The following FRMPD4 variants were observed in gnomAD, a reference collection of about 807,000 sequenced individuals.
The protein encoded by FRMPD4 is FERM and PDZ domain containing 4, also known as FERM and PDZ domain-containing protein 4.
A neutral mutation model predicts 94.1 loss-of-function variants in FRMPD4; 22 were observed. That is an observed-to-expected ratio of 0.23 (90% CI 0.17 to 0.33). FRMPD4 has a LOEUF of 0.33. Among genes scored for constraint, FRMPD4 ranks in the 10% least tolerant of loss-of-function variants. The pLI, the probability that FRMPD4 is intolerant of heterozygous loss-of-function variation, is 1.00. For missense variants in FRMPD4, 1,111 were observed against 1,339.9 expected (o/e 0.83, Z 2.67); for synonymous variants, 631 against 548.6 (o/e 1.15, Z -2.10).
At chrX:12,649,898 A>C (rs1324231358) in intron 4 of FRMPD4, among the ~76,000 whole-genome samples, 1 of 112,300 alleles carries the variant, frequency 8.9e-6, no homozygotes. Flanking sequence ...TACCCAAGCA[A>C]CCTGTTTATC....
intron 1 of FRMPD4, among the ~76,000 whole-genome samples, chrX:12,496,453 G>A (rs2057850462): frequency 9.0e-6 from 1 of 111,496 alleles, no homozygotes; most frequent in Non-Finnish European, 1.9e-5. Context: ...GCTGCCAGGT[G>A]CTTCTTTTCA....
At chrX:12,350,279 T>C (rs2055781831) in intron 1 of FRMPD4, among the ~76,000 whole-genome samples, 1 of 112,259 alleles carries the variant, frequency 8.9e-6, no homozygotes, top group African/African-American at 3.2e-5. Flanking sequence ...TTTTTCAAGT[T>C]ATTTTTTATA....
At chrX:12,392,960 T>C (rs1372889101) in intron 1 of FRMPD4, among the ~76,000 whole-genome samples, 1 of 111,704 alleles carries the variant, frequency 9.0e-6, no homozygotes, top group Non-Finnish European at 1.9e-5. Flanking sequence ...AGAGCAAAAC[T>C]CCGTCTCAAG....
At chrX:12,045,083 C>T (rs1333667789) in intron 3 of FRMPD4, among the ~76,000 whole-genome samples, 1 of 112,014 alleles carries the variant, frequency 8.9e-6, no homozygotes, top group Non-Finnish European at 1.9e-5. Context: ...TATTTATTGA[C>T]ATTTGGAAAT....
At chrX:12,530,541 A>G (rs1335763837) in intron 2 of FRMPD4, among the ~76,000 whole-genome samples, 1 of 111,264 alleles carries the variant, frequency 9.0e-6, no homozygotes, top group African/African-American at 3.3e-5. Flanking sequence ...TAATATTTCA[A>G]GGAGAATTGA....
intron 3 of FRMPD4, among the ~76,000 whole-genome samples, chrX:12,025,911 G>T (rs1437493737): frequency 1.8e-5 from 2 of 111,846 alleles, no homozygotes. Context: ...CCACACTGGG[G>T]CACCTGACCC....
chrX:12,044,652 C>A (rs2054775632), intron 3 of FRMPD4, among the ~76,000 whole-genome samples: 1 of 111,882 alleles, frequency 8.9e-6, no homozygotes, highest in African/African-American at 3.2e-5. Context: ...AGACACTAAT[C>A]AAGTCACTTA....
At chrX:12,378,790 A>G (rs1272219534) in intron 1 of FRMPD4, among the ~76,000 whole-genome samples, 1 of 112,115 alleles carries the variant, frequency 8.9e-6, no homozygotes, top group East Asian at 2.8e-4. Flanking sequence ...ACATGATGAT[A>G]TATTTTCTTG....
At chrX:12,241,671 A>G (rs750912739) in intron 1 of FRMPD4, among the ~76,000 whole-genome samples, 2 of 111,642 alleles carry the variant, frequency 1.8e-5, no homozygotes, top group African/African-American at 3.2e-5. Context: ...AGGCCGAGGT[A>G]GGATGATCAC....
chrX:12,329,734 A>C (rs1406069476), intron 1 of FRMPD4, among the ~76,000 whole-genome samples: 1 of 109,053 alleles, frequency 9.2e-6, no homozygotes, highest in Non-Finnish European at 1.9e-5. Context: ...AGTTCAGAGA[A>C]GCTTTCAATG....
chrX:12,389,256 C>A (rs1419029805), intron 1 of FRMPD4, among the ~76,000 whole-genome samples: 2 of 109,906 alleles, frequency 1.8e-5, no homozygotes, highest in Non-Finnish European at 3.8e-5. Flanking sequence ...GGCGGATCAC[C>A]TCAGGTCAGG....
At chrX:12,422,377 C>T (rs2056894779) in intron 1 of FRMPD4, among the ~76,000 whole-genome samples, 1 of 112,468 alleles carries the variant, frequency 8.9e-6, no homozygotes, top group African/African-American at 3.2e-5. Flanking sequence ...TTATTACATT[C>T]ACTTTATTCA....
At chrX:11,959,777 C>T (rs1222962779) in intron 3 of FRMPD4, among the ~76,000 whole-genome samples, 1 of 111,500 alleles carries the variant, frequency 9.0e-6, no homozygotes, top group Non-Finnish European at 1.9e-5. Context: ...CTGTCAGCTT[C>T]TCAGGTTTCT....
intron 3 of FRMPD4, among the ~76,000 whole-genome samples, chrX:11,982,313 C>CT (rs1166254330): frequency 1.0e-4 from 11 of 109,832 alleles, no homozygotes; most frequent in Non-Finnish European, 5.7e-5. Context: ...ACGATCTTTT[C>CT]TTTTTTTTCC....
intron 3 of FRMPD4, among the ~76,000 whole-genome samples, chrX:12,047,078 T>A (rs889262646): frequency 9.1e-6 from 1 of 109,399 alleles, no homozygotes; most frequent in African/African-American, 3.3e-5. Flanking sequence ...TATTTATACA[T>A]GGTTATATAT....
rs756939563 is a variant in FRMPD4, at chrX:12,193,771, A to AAAGGAAGG, written c.41+54809_41+54816dup. ...AAGAAACAGAAAGAAAGAAAGAAAG[A>AAAGGAAGG]AAGGAAGGAAGGAAGGAAGGAAGGA... is the stretch of plus-strand genomic sequence containing the variant. On this transcript the variant is annotated intron_variant, in intron 1 of 16. Coordinates refer to ENST00000675598, the MANE Select transcript of FRMPD4 (RefSeq NM_001368397.1). 9.8e-4 allele frequency among the ~76,000 whole-genome samples: 17 copies of AAAGGAAGG among 17,292 alleles called. 1 individual carries two copies. Among genetic ancestry groups the AAAGGAAGG allele is most frequent in the Admixed American group, 4.3e-3 (4 of 940 alleles). 15.0% of individuals were successfully genotyped at this position (17,292 alleles called of 115,157 possible). A position where few individuals can be genotyped will look rare whatever the true frequency, so the allele number is the denominator to read the frequency against.
intron 3 of FRMPD4, among the ~76,000 whole-genome samples, chrX:11,893,441 T>A (rs1226540943): frequency 1.8e-5 from 2 of 112,446 alleles, no homozygotes; most frequent in Non-Finnish European, 3.8e-5. Flanking sequence ...GGTTTTAAGT[T>A]AAGATTTCTT....
intron 1 of FRMPD4, among the ~76,000 whole-genome samples, chrX:12,345,187 T>A (rs1381735915): frequency 1.9e-5 from 2 of 107,927 alleles, no homozygotes; most frequent in African/African-American, 6.9e-5. Flanking sequence ...GATAGACGGA[T>A]GAATGAGTAG....
At chrX:12,674,970 A>T in intron 5 of FRMPD4, 62 bp downstream of exon 5, 1 of 714,302 alleles carries the variant, frequency 1.4e-6, no homozygotes, top group Non-Finnish European at 2.3e-6. Flanking sequence ...TCTTCTGCCC[A>T]CTCCAGTAAA....
Sources: allele counts gnomAD v4.1 joint callset (sites outside exome capture counted in the v4.1 genomes callset), GRCh38; gene constraint gnomAD v4.1.1; transcripts MANE v1.5; gene names NCBI Gene and HGNC (gene_info 2026-07-23, HGNC 2026-07-21).